The following PARD3 variants were observed in gnomAD, a reference collection of about 807,000 sequenced individuals.
PARD3 encodes the protein partitioning defective 3 homolog.
A neutral mutation model predicts 155.4 loss-of-function variants in PARD3; 75 were observed. The ratio of observed to expected loss-of-function variants is 0.48; its 90% CI spans 0.40 to 0.58. The LOEUF (loss-of-function observed/expected upper bound fraction) is 0.58, where lower values mean the gene tolerates loss of function less well. Ranked by LOEUF, PARD3 falls within the 20% of genes least tolerant of loss-of-function variation. The pLI, the probability that PARD3 is intolerant of heterozygous loss-of-function variation, is 0.00. For missense variants in PARD3, 1,642 were observed against 1,721.7 expected (o/e 0.95, Z 0.82); for synonymous variants, 576 against 610.5 (o/e 0.94, Z 0.83).
chr10:34,642,145 C>T (rs1205310188), intron 2 of PARD3, among the ~76,000 whole-genome samples: 2 of 151,766 alleles, frequency 1.3e-5, no homozygotes, highest in African/African-American at 4.8e-5. Flanking sequence ...ATGGGATCCC[C>T]GCCCACCCAA....
At chr10:34,811,504 CAACCA>C (rs1844173874) in intron 1 of PARD3, among the ~76,000 whole-genome samples, 1 of 152,134 alleles carries the variant, frequency 6.6e-6, no homozygotes, top group African/African-American at 2.4e-5. Context: ...GCCTTCCCAC[CAACCA>C]AGCCCAGTTC....
At chr10:34,713,069 G>A (rs1008706166) in intron 1 of PARD3, among the ~76,000 whole-genome samples, 3 of 151,944 alleles carry the variant, frequency 2.0e-5, no homozygotes, top group Admixed American at 6.6e-5. Flanking sequence ...TAAATTAGCC[G>A]GGCATGGTGG....
chr10:34,631,764 A>T (rs1035721914), intron 2 of PARD3, among the ~76,000 whole-genome samples: 2 of 152,142 alleles, frequency 1.3e-5, no homozygotes, highest in African/African-American at 2.4e-5. Flanking sequence ...TATCTGGTTA[A>T]ATTTTTTATT....
chr10:34,269,136 T>G (rs1310743461), intron 22 of PARD3, among the ~76,000 whole-genome samples: 1 of 152,168 alleles, frequency 6.6e-6, no homozygotes, highest in African/African-American at 2.4e-5. Flanking sequence ...CTGATATACA[T>G]AATTTAGACC....
At chr10:34,574,790 T>G (rs2086760361) in intron 2 of PARD3, among the ~76,000 whole-genome samples, 1 of 152,190 alleles carries the variant, frequency 6.6e-6, no homozygotes, top group African/African-American at 2.4e-5. Flanking sequence ...ATCATAAGCC[T>G]GGAGGTCCTC....
At chr10:34,643,134 G>A (rs1404846387) in intron 2 of PARD3, among the ~76,000 whole-genome samples, 3 of 152,198 alleles carry the variant, frequency 2.0e-5, no homozygotes, top group Admixed American at 6.5e-5. Context: ...CAGCTTGCTC[G>A]GGAACCTGGA....
chr10:34,695,551 G>A (rs983497973), intron 2 of PARD3, among the ~76,000 whole-genome samples: 6 of 150,586 alleles, frequency 4.0e-5, no homozygotes, highest in East Asian at 2.0e-4. Context: ...TTCTCAAAAC[G>A]CTGAACGTTC....
intron 6 of PARD3, 133 bp from the exon 7 acceptor site, chr10:34,399,546 A>G (rs557025511): frequency 3.0e-6 from 2 of 662,436 alleles, no homozygotes; most frequent in Non-Finnish European, 5.4e-6. Flanking sequence ...CAAAAATCCC[A>G]CCAAGTGCAT....
intron 4 of PARD3, among the ~76,000 whole-genome samples, chr10:34,462,958 G>T (rs562706317): frequency 2.7e-5 from 3 of 111,810 alleles, no homozygotes; most frequent in Admixed American, 8.8e-5. Flanking sequence ...GGAAGAGAAG[G>T]GGGGAAGGGA....
At chr10:34,247,502 A>G (rs984357338) in intron 22 of PARD3, among the ~76,000 whole-genome samples, 2 of 152,224 alleles carry the variant, frequency 1.3e-5, no homozygotes, top group African/African-American at 4.8e-5. Flanking sequence ...TCTGAAAGAA[A>G]CAAAACAAAC....
Position 34,153,468 on chromosome 10 carries a change from C to T in PARD3, c.3420-21885G>A, listed in dbSNP as rs1948869009. 4.6e-5 allele frequency among the ~76,000 whole-genome samples: 7 copies of T among 152,184 alleles called. No individual in the cohort carries two copies. The South Asian group carries it at 1.4e-3, about 31-fold the overall frequency. On this transcript the variant is annotated intron_variant, in intron 22 of 24. Transcript: ENST00000374788. ...AAACCTGATACTATTTCTTATTTCA[C>T]ATGGGACCAGACAATTGAAGTCCTT...
chr10:34,391,348 T>G (rs1270996639), intron 7 of PARD3, among the ~76,000 whole-genome samples: 1 of 152,196 alleles, frequency 6.6e-6, no homozygotes, highest in Non-Finnish European at 1.5e-5. Context: ...TATGCACTAC[T>G]GCACAGGGGC....
chr10:34,346,202 A>G, intron 15 of PARD3: 1 of 1,129,574 alleles, frequency 8.9e-7, no homozygotes, highest in Non-Finnish European at 1.1e-6. Flanking sequence ...CTATAATGCA[A>G]ACCGAAGAGG....
chr10:34,583,627 G>A (rs560977002), intron 2 of PARD3, among the ~76,000 whole-genome samples: 1 of 152,130 alleles, frequency 6.6e-6, no homozygotes, highest in African/African-American at 2.4e-5. Flanking sequence ...TTTACACAGA[G>A]TTAAGAAACA....
chr10:34,641,731 C>T (rs973409574), intron 2 of PARD3, among the ~76,000 whole-genome samples: 1 of 152,196 alleles, frequency 6.6e-6, no homozygotes, highest in Non-Finnish European at 1.5e-5. Context: ...CCTGAGCCTG[C>T]CCCCATTCGT....
chr10:34,792,323 G>T (rs1841754519), intron 1 of PARD3, among the ~76,000 whole-genome samples: 1 of 152,040 alleles, frequency 6.6e-6, no homozygotes, highest in Admixed American at 6.6e-5. Flanking sequence ...GGCCTCAAGC[G>T]ACGCGCCTGC....
intron 22 of PARD3, among the ~76,000 whole-genome samples, chr10:34,215,951 T>C (rs1390847520): frequency 1.3e-5 from 2 of 152,230 alleles, no homozygotes; most frequent in African/African-American, 4.8e-5. Flanking sequence ...ACTTTTTGCA[T>C]TAAATATGTA....
intron 2 of PARD3, among the ~76,000 whole-genome samples, chr10:34,565,370 C>T (rs1393061111): frequency 2.1e-5 from 3 of 142,862 alleles, no homozygotes; most frequent in African/African-American, 7.8e-5. Context: ...TGGGTTCAAG[C>T]GATTCTCTTG....
At chr10:34,193,749 C>T (rs1202705958) in intron 22 of PARD3, among the ~76,000 whole-genome samples, 1 of 152,208 alleles carries the variant, frequency 6.6e-6, no homozygotes, top group Non-Finnish European at 1.5e-5. Context: ...ACAATAATTC[C>T]TGCCCATCTT....
Sources: allele counts gnomAD v4.1 joint callset (sites outside exome capture counted in the v4.1 genomes callset), GRCh38; gene constraint gnomAD v4.1.1; transcripts MANE v1.5; gene names NCBI Gene and HGNC (gene_info 2026-07-23, HGNC 2026-07-21).